Variants in FAM20A observed in about 807,000 individuals in gnomAD.
FAM20A encodes FAM20A golgi associated secretory pathway pseudokinase, also known as pseudokinase FAM20A.
Under a neutral mutation model 52.0 loss-of-function variants are expected in FAM20A, and 42 were observed. The ratio of observed to expected loss-of-function variants is 0.81; its 90% CI spans 0.63 to 1.04. FAM20A has a LOEUF of 1.04. Ranked by LOEUF, FAM20A falls within the 50% of genes least tolerant of loss-of-function variation. FAM20A has a pLI of 0.00. For missense variants in FAM20A, 742 were observed against 712.7 expected, an observed-to-expected ratio of 1.04 and a Z score of -0.47; for synonymous variants, 304 against 298.9, an observed-to-expected ratio of 1.02 and a Z score of -0.18.
chr17:68,590,140 TC>T (rs1383089146), intron 1 of FAM20A: 2 of 152,214 alleles, frequency 1.3e-5, no homozygotes, highest in African/African-American at 4.8e-5. Flanking sequence ...GTATATTTTT[TC>T]AAAGTGAAAA....
Position 68,539,336 on chromosome 17 carries a change from C to G in FAM20A, c.1361+1G>C, listed in dbSNP as rs1156573190. 2 of 1,614,228 alleles carry G rather than the reference C, an allele frequency of 1.2e-6. No individual in the cohort carries two copies. Among genetic ancestry groups the G allele is most frequent in the Non-Finnish European group, 1.7e-6 (2 of 1,180,022 alleles). The stretch of plus-strand genomic sequence containing the variant: ...GTATTATCTGCTGCAGGAAAACTTA[C>G]ATGCAGCACTGGGAGAGAGGCGAGA... On this transcript the variant is annotated splice_donor_variant, in intron 10 of 10. Transcript: ENST00000592554. LOFTEE classifies it high-confidence loss of function.
At chr17:68,563,433 C>T (rs562933620) in intron 1 of FAM20A, among the ~76,000 whole-genome samples, 59 of 151,492 alleles carry the variant, frequency 3.9e-4, no homozygotes, top group Middle Eastern at 3.4e-3. Context: ...TCCTGATGTG[C>T]CATGCACTTG....
chr17:68,562,142 G>A (rs761981112), intron 1 of FAM20A, among the ~76,000 whole-genome samples: 3 of 152,174 alleles, frequency 2.0e-5, no homozygotes, highest in Non-Finnish European at 2.9e-5. Flanking sequence ...CTTTCAAAAC[G>A]TGTAATGAGT....
intron 4 of FAM20A, among the ~76,000 whole-genome samples, chr17:68,548,725 A>ATTTTTTT (rs753348891): frequency 1.3e-5 from 1 of 79,154 alleles, no homozygotes; most frequent in African/African-American, 5.5e-5. Context: ...ATGCCTGTAT[A>ATTTTTTT]TTTTTTTTTT....
rs762290601 is a variant in FAM20A, at chr17:68,600,529, G to A, written c.138C>T (p.Cys46=). 1.9e-6 allele frequency: 3 copies of A among 1,567,510 alleles called. No homozygotes were observed. The Admixed American group carries it at 5.7e-5, about 30-fold the overall frequency. The part of the protein sequence containing the change: ...RPRERPRGCP[C]TGRASSLARD... ...GCGCCAGGGAGGAGGCGCGGCCGGTGCACGGGCACCCCCGCGGGCGCTCCC... is the reference window on the plus strand; with the variant it reads ...GCGCCAGGGAGGAGGCGCGGCCGGTACACGGGCACCCCCGCGGGCGCTCCC... The change falls in exon 1 of 11, where the codon TGC becomes TGT. Residue 46 remains cysteine, a synonymous_variant. Transcript: ENST00000592554. This position sits in a 1 kb window ranked among gnomAD's most constrained non-coding sequence, Gnocchi z 6.2.
chr17:68,552,096 CA>C, intron 3 of FAM20A, 145 bp from the exon 4 acceptor site: 1 of 686,284 alleles, frequency 1.5e-6, no homozygotes, highest in Non-Finnish European at 2.7e-6. Flanking sequence ...CCATAGCCTG[CA>C]GGGTAAACGC....
intron 1 of FAM20A, among the ~76,000 whole-genome samples, chr17:68,568,371 G>A (rs912935304): frequency 7.2e-5 from 11 of 151,772 alleles, no homozygotes; most frequent in African/African-American, 2.2e-4. Context: ...GGGAGGCTGA[G>A]GCAGGAGAAT....
At chr17:68,585,583 A>G (rs2088144199) in intron 1 of FAM20A, among the ~76,000 whole-genome samples, 2 of 152,222 alleles carry the variant, frequency 1.3e-5, no homozygotes, top group South Asian at 4.1e-4. Flanking sequence ...AGTGTTTCTG[A>G]AAGTTTTATC....
At chr17:68,543,774 G>C in intron 4 of FAM20A, 53 bp from the exon 5 acceptor site, 2 of 1,483,540 alleles carry the variant, frequency 1.3e-6, no homozygotes, top group Non-Finnish European at 1.9e-6. Flanking sequence ...CTGGGAGCCT[G>C]AGAAGAGAGC....
At chr17:68,581,150 G>A (rs886971439) in intron 1 of FAM20A, among the ~76,000 whole-genome samples, 2 of 152,136 alleles carry the variant, frequency 1.3e-5, no homozygotes, top group African/African-American at 4.8e-5. Context: ...TCCAGAGCAG[G>A]GTACTGGGAG....
At chr17:68,581,412 T>TTCTTTCTTTCTC (rs1234266220) in intron 1 of FAM20A, among the ~76,000 whole-genome samples, 4 of 146,084 alleles carry the variant, frequency 2.7e-5, no homozygotes, top group East Asian at 2.0e-4. Flanking sequence ...CTTTCTTTCT[T>TTCTTTCTTTCTC]TCTTTTTCTC....
intron 1 of FAM20A, among the ~76,000 whole-genome samples, chr17:68,592,460 C>T (rs999505522): frequency 1.9e-4 from 29 of 152,162 alleles, no homozygotes; most frequent in African/African-American, 6.8e-4. Flanking sequence ...TCTGTCCCTC[C>T]GTATATATTC....
chr17:68,600,521 C>T lies in FAM20A; in HGVS notation c.146G>A (p.Arg49His). The change falls in exon 1 of 11, where the codon CGC becomes CAC. Residue 49 changes from arginine (R) to histidine (H), a missense_variant. By Grantham distance (29) the Arg-to-His change is conservative. Transcript: ENST00000592554. This position sits in a 1 kb window ranked among gnomAD's most constrained non-coding sequence, Gnocchi z 6.2. Reference protein sequence around the residue: ...ERPRGCPCTGRASSLARDSAA... With the variant: ...ERPRGCPCTGHASSLARDSAA... ...CGAGTCCCGCGCCAGGGAGGAGGCG[C>T]GGCCGGTGCACGGGCACCCCCGCGG... 1.3e-6 allele frequency: 2 copies of T among 1,572,774 alleles called. No individual in the cohort carries two copies. The highest frequency in any genetic ancestry group is 1.7e-6 in the Non-Finnish European group (2 of 1,159,558).
chr17:68,539,349 G>C lies in FAM20A; in HGVS notation c.1349C>G (p.Ser450Cys). The C allele has an allele frequency of 6.2e-7, 1 of 1,614,194 alleles. No homozygotes were observed. The highest frequency in any genetic ancestry group is 1.1e-5 in the South Asian group (1 of 91,074). Residue 450 changes from serine (S) to cysteine (C), a missense_variant, in exon 10 of 11, where the codon TCC becomes TGC. Physicochemically the swap from Ser to Cys is moderately radical, Grantham distance 112. Transcript: ENST00000592554. ...CAGGAAAACTTACATGCAGCACTGGGAGAGAGGCGAGAGGATGGAGATTTC... is the reference window on the plus strand; with the variant it reads ...CAGGAAAACTTACATGCAGCACTGGCAGAGAGGCGAGAGGATGGAGATTTC... The part of the protein sequence containing the change: ...HDEISILSPL[S>C]QCCMIKKKTL...
At chr17:68,560,697 A>G (rs760799351) in intron 1 of FAM20A, among the ~76,000 whole-genome samples, 2 of 152,188 alleles carry the variant, frequency 1.3e-5, no homozygotes, top group South Asian at 2.1e-4. Flanking sequence ...ATAAATTCTT[A>G]TAAGTGTTGT....
chr17:68,553,945 CACACATATATGCATATATACATATAT>C, intron 3 of FAM20A, among the ~76,000 whole-genome samples: 1 of 135,052 alleles, frequency 7.4e-6, no homozygotes, highest in African/African-American at 3.5e-5. Flanking sequence ...TACATATATA[CACACATATATGCATATATACATATAT>C]ACACACATGC....
rs2086073090 is a variant in FAM20A at position 68,535,446 on chromosome 17, T to G, written c.*2031A>C. 2.2e-6 allele frequency: 1 copy of G among 453,938 alleles called. No individual in the cohort carries two copies. Among genetic ancestry groups the G allele is most frequent in the Admixed American group, 2.3e-5 (1 of 42,554 alleles). 28.1% of individuals were successfully genotyped at this position (453,938 alleles called of 1,614,324 possible). On this transcript the variant is annotated 3_prime_UTR_variant, in exon 11 of 11. Transcript: ENST00000592554. ...TAGCCTGCTTTCCTGAGAGTCTTAT[T>G]TGGAAGTCCCAAACCATTTTGTGCT...
chr17:68,574,824 C>T (rs2087680800), intron 1 of FAM20A, among the ~76,000 whole-genome samples: 1 of 152,154 alleles, frequency 6.6e-6, no homozygotes, highest in Non-Finnish European at 1.5e-5. Flanking sequence ...TGGGCTTGTA[C>T]ATACCCTATG....
chr17:68,540,700 C>G (rs1047314452), intron 8 of FAM20A, 149 bp downstream of exon 8: 1 of 992,628 alleles, frequency 1.0e-6, no homozygotes, highest in Non-Finnish European at 1.5e-6. Context: ...CTTCTGTCCT[C>G]TGGGACCTCC....
Sources: allele counts gnomAD v4.1 joint callset (sites outside exome capture counted in the v4.1 genomes callset), GRCh38; gene constraint gnomAD v4.1.1; non-coding constraint Gnocchi (gnomAD v3.1); transcripts MANE v1.5; gene names NCBI Gene and HGNC (gene_info 2026-07-23, HGNC 2026-07-21).